Variants in ZNF18 observed in about 807,000 individuals in gnomAD.
The protein encoded by ZNF18 is zinc finger protein 18, also known as heart development-specific gene 1 protein.
ZNF18 carries 42 observed loss-of-function variants against 58.1 expected under a neutral mutation model. That is an observed-to-expected ratio of 0.72 (90% CI 0.56 to 0.93). The LOEUF (loss-of-function observed/expected upper bound fraction) is 0.93. Ranked by LOEUF, ZNF18 falls within the 40% of genes least tolerant of loss-of-function variation. The pLI, the probability that ZNF18 is intolerant of heterozygous loss-of-function variation, is 0.00. For missense variants in ZNF18, 540 were observed against 644.2 expected, an observed-to-expected ratio of 0.84 and a Z score of 1.75; for synonymous variants, 231 against 239.8, an observed-to-expected ratio of 0.96 and a Z score of 0.34.
intron 4 of ZNF18, among the ~76,000 whole-genome samples, chr17:11,987,388 G>C (rs1243262946): frequency 6.6e-6 from 1 of 152,152 alleles, no homozygotes; most frequent in African/African-American, 2.4e-5. Context: ...AGATTAGAGG[G>C]AGTGATTAAT....
At chr17:11,997,094 G>A (rs1968516456) in intron 1 of ZNF18, 1 of 152,436 alleles carries the variant, frequency 6.6e-6, no homozygotes, top group Admixed American at 6.5e-5. Flanking sequence ...TCCTCTTCCA[G>A]AGACTCATTT....
chr17:12,011,695 ATTTTTT>A, the ZNF18 span, among the ~76,000 whole-genome samples: 14 of 87,606 alleles, frequency 1.6e-4, no homozygotes, highest in South Asian at 8.0e-4. Context: ...AATGTTCTTA[ATTTTTT>A]TTTTTTTTTT....
At chr17:12,007,258 A>C in the ZNF18 span, among the ~76,000 whole-genome samples, 2 of 152,126 alleles carry the variant, frequency 1.3e-5, no homozygotes, top group Non-Finnish European at 2.9e-5. Flanking sequence ...AAAGAGCTGC[A>C]GCCTTCAGAT....
chr17:11,997,474 G>C lies in ZNF18; in HGVS notation c.-126C>G, dbSNP rs186450548. The C allele has an allele frequency of 6.6e-6, 1 of 152,274 alleles. No homozygotes were observed. Among genetic ancestry groups the C allele is most frequent in the African/African-American group, 2.4e-5 (1 of 41,470 alleles). 9.4% of individuals were successfully genotyped at this position (152,274 alleles called of 1,614,324 possible). ...CTCCGGGCGCACTTCCGGGAGCTGG[G>C]TGGCTGCGCGCGCCTCAGGCGGCAG... On this transcript the variant is annotated 5_prime_UTR_variant, in exon 1 of 7. Coordinates refer to ENST00000580306, the MANE Select transcript of ZNF18 (RefSeq NM_001303281.2).
chr17:11,978,851 T>TTTTC (rs1555533886), intron 6 of ZNF18, 107 bp from the exon 7 acceptor site: 2 of 746,190 alleles, frequency 2.7e-6, no homozygotes, highest in African/African-American at 3.8e-5. Flanking sequence ...TTTTTTTTTT[T>TTTTC]TTTTTTTTTT....
chr17:12,013,654 C>A, the ZNF18 span, among the ~76,000 whole-genome samples: 7 of 152,188 alleles, frequency 4.6e-5, no homozygotes, highest in Non-Finnish European at 1.0e-4. Flanking sequence ...ATTCTTATGA[C>A]ATTTCTCTCC....
In ZNF18 at chr17:11,990,974, C is replaced by G. The variant is rs752628886; in HGVS notation, c.577G>C (p.Ala193Pro). ...KEESDTEAEL[A>P]LAASQPARLE... Reference sequence around the variant, plus strand: ...GAACACCACACAGCACCATCCTCACCTAGTTCTGCTTCTGTGTCAGATTCC... The same window carrying G: ...GAACACCACACAGCACCATCCTCACGTAGTTCTGCTTCTGTGTCAGATTCC... Residue 193 changes from alanine (A) to proline (P), a missense_variant and splice_region_variant, in exon 3 of 7, where the codon GCC becomes CCC. Coordinates refer to ENST00000580306, the MANE Select transcript of ZNF18 (RefSeq NM_001303281.2). The G allele has an allele frequency of 6.2e-7, 1 of 1,612,966 alleles. No individual in the cohort carries two copies. The highest frequency in any genetic ancestry group is 8.5e-7 in the Non-Finnish European group (1 of 1,179,370).
At chr17:12,014,182 C>T in the ZNF18 span, among the ~76,000 whole-genome samples, 1 of 152,184 alleles carries the variant, frequency 6.6e-6, no homozygotes, top group South Asian at 2.1e-4. Context: ...CCCTCATACT[C>T]TTAGTGGGAA....
At chr17:11,995,535 T>A (rs1968420413) in intron 1 of ZNF18, 1 of 151,838 alleles carries the variant, frequency 6.6e-6, no homozygotes, top group African/African-American at 2.4e-5. Flanking sequence ...ATACAAAAAT[T>A]AGCTGGGCAT....
chr17:12,012,531 A>C, the ZNF18 span, among the ~76,000 whole-genome samples: 1 of 152,222 alleles, frequency 6.6e-6, no homozygotes, highest in Non-Finnish European at 1.5e-5. Flanking sequence ...GATAGCCATT[A>C]TTAACTTGTC....
chr17:11,991,290 G>A lies in ZNF18; in HGVS notation c.388-127C>T, dbSNP rs145781151. ...AAGGATGTGGAGAAAGAGAAAACCA[G>A]CTTTTATTTCTAGTCCAGCAGGAAC... On this transcript the variant is annotated intron_variant, in intron 2 of 6. Coordinates refer to ENST00000580306, the MANE Select transcript of ZNF18 (RefSeq NM_001303281.2). 288 of 918,184 alleles carry A rather than the reference G, an allele frequency of 3.1e-4. 1 individual carries two copies. The African/African-American group carries it at 4.5e-3, about 14-fold the overall frequency. 56.9% of individuals were successfully genotyped at this position (918,184 alleles called of 1,614,324 possible). A position where few individuals can be genotyped will look rare whatever the true frequency, so the allele number is the denominator to read the frequency against.
At chr17:11,981,543 T>G (rs1459758275) in intron 6 of ZNF18, among the ~76,000 whole-genome samples, 1 of 148,384 alleles carries the variant, frequency 6.7e-6, no homozygotes, top group Admixed American at 6.7e-5. Flanking sequence ...TTTTTTTTTT[T>G]TTTTTTGCCT....
At chr17:12,007,015 C>T in the ZNF18 span, among the ~76,000 whole-genome samples, 1 of 152,080 alleles carries the variant, frequency 6.6e-6, no homozygotes. Flanking sequence ...GTGTGTTAGG[C>T]CAATGTTTAC....
chr17:12,009,192 T>C, the ZNF18 span: 1 of 152,200 alleles, frequency 6.6e-6, no homozygotes, highest in Non-Finnish European at 1.5e-5. Flanking sequence ...TTCCTTCACA[T>C]ACCTGAAAAC....
the ZNF18 span, among the ~76,000 whole-genome samples, chr17:12,008,805 G>C: frequency 2.0e-5 from 3 of 152,202 alleles, no homozygotes; most frequent in Admixed American, 6.5e-5. Flanking sequence ...TAGGCCACTA[G>C]GAACTGTTGT....
chr17:11,995,834 T>C (rs1968441238), intron 1 of ZNF18, among the ~76,000 whole-genome samples: 1 of 152,168 alleles, frequency 6.6e-6, no homozygotes, highest in Non-Finnish European at 1.5e-5. Context: ...ACAGACCATA[T>C]GCATAATTTT....
the ZNF18 span, among the ~76,000 whole-genome samples, chr17:12,015,022 T>C: frequency 2.0e-5 from 3 of 152,040 alleles, no homozygotes; most frequent in Admixed American, 6.6e-5. Context: ...CACTCCAGCC[T>C]GGGCAACAGA....
Position 11,990,552 on chromosome 17 carries a change from T to C in ZNF18, c.578-2A>G, listed in dbSNP as rs1968047474. ...GGGCAGGCTGGGAGGCAGCCAGGGCTGAAGTGAGGAGAGGAAGTTTTCAGA... is the reference window on the plus strand; with the variant it reads ...GGGCAGGCTGGGAGGCAGCCAGGGCCGAAGTGAGGAGAGGAAGTTTTCAGA... On this transcript the variant is annotated splice_acceptor_variant, in intron 3 of 6. Transcript: ENST00000580306. LOFTEE classifies it high-confidence loss of function. 2 of 1,607,728 alleles carry C rather than the reference T, an allele frequency of 1.2e-6. No homozygotes were observed. Among genetic ancestry groups the C allele is most frequent in the Non-Finnish European group, 1.7e-6 (2 of 1,177,888 alleles).
At chr17:12,003,236 G>A in the ZNF18 span, among the ~76,000 whole-genome samples, 1 of 152,070 alleles carries the variant, frequency 6.6e-6, no homozygotes, top group South Asian at 2.1e-4. Flanking sequence ...TCAGGTGTTC[G>A]AGACCAGCCT....
Sources: gnomAD v4.1 joint callset for allele counts (sites outside exome capture counted in the v4.1 genomes callset) on GRCh38, gnomAD v4.1.1 for gene constraint, MANE v1.5 for transcripts, NCBI Gene and HGNC (gene_info 2026-07-23, HGNC 2026-07-21) for gene names.